USP13: variants seen among roughly 807,000 people sequenced by gnomAD.
USP13 encodes the protein ubiquitin specific peptidase 13, also known as ubiquitin carboxyl-terminal hydrolase 13.
USP13 carries 68 observed loss-of-function variants against 107.8 expected under a neutral mutation model. That is an observed-to-expected ratio of 0.63 (90% CI 0.52 to 0.77). The LOEUF (loss-of-function observed/expected upper bound fraction) is 0.77, where lower values mean the gene tolerates loss of function less well. Among genes scored for constraint, USP13 ranks in the 30% least tolerant of loss-of-function variants. USP13 has a pLI of 0.00. For synonymous variants in USP13, 377 were observed against 389.5 expected (o/e 0.97, Z 0.38); for missense variants, 945 against 1,093.3 (o/e 0.86, Z 1.91).
At chr3:179,654,152 T>G (rs1374637255) in intron 1 of USP13, among the ~76,000 whole-genome samples, 1 of 142,574 alleles carries the variant, frequency 7.0e-6, no homozygotes, top group Non-Finnish European at 1.5e-5. Flanking sequence ...AGGAGGAGGC[T>G]GTAGTGGGCC....
At chr3:179,755,404 C>T (rs921947898) in intron 15 of USP13, among the ~76,000 whole-genome samples, 1 of 152,090 alleles carries the variant, frequency 6.6e-6, no homozygotes, top group African/African-American at 2.4e-5. Context: ...AAGCAATTCT[C>T]CTGCCTCAGC....
chr3:179,723,903 A>G (rs1051835165), intron 8 of USP13, among the ~76,000 whole-genome samples: 25 of 152,216 alleles, frequency 1.6e-4, no homozygotes, highest in Admixed American at 1.3e-4. Context: ...CTGTAAACCC[A>G]GTACTTTGGG....
chr3:179,662,602 A>G (rs968862664), intron 1 of USP13, among the ~76,000 whole-genome samples: 1 of 152,132 alleles, frequency 6.6e-6, no homozygotes, highest in Non-Finnish European at 1.5e-5. Context: ...AAGGAGTGAA[A>G]TGGATGTCTT....
At chr3:179,661,108 T>A (rs1720444677) in intron 1 of USP13, among the ~76,000 whole-genome samples, 1 of 152,232 alleles carries the variant, frequency 6.6e-6, no homozygotes, top group Non-Finnish European at 1.5e-5. Flanking sequence ...CACTGTGTGC[T>A]ATGAGAGAAT....
At position 179,681,779 on chromosome 3, in the gene USP13, C is replaced by G. The variant is rs936771424; in HGVS notation, c.169-99C>G. 3.7e-5 allele frequency: 54 copies of G among 1,471,978 alleles called. 1 individual carries two copies. In the Middle Eastern group the frequency reaches 7.3e-4, roughly 20 times the overall value. The allele number at this position is 1,471,978 out of a possible 1,614,324, so 91.2% of individuals were successfully genotyped here. A position where few individuals can be genotyped will look rare whatever the true frequency, so the allele number is the denominator to read the frequency against. On this transcript the variant is annotated intron_variant, in intron 1 of 20. Coordinates refer to ENST00000263966, the MANE Select transcript of USP13 (RefSeq NM_003940.3). ...GGAGCCTCGGTGGCCCTTTGCCAGG[C>G]CTCGTCTTCAGCGTTTGCCTTCCTT... is the stretch of plus-strand genomic sequence containing the variant.
intron 6 of USP13, among the ~76,000 whole-genome samples, chr3:179,716,338 C>G (rs1014486605): frequency 6.6e-6 from 1 of 152,106 alleles, no homozygotes; most frequent in African/African-American, 2.4e-5. Flanking sequence ...TTTCTGGGGC[C>G]TAGGATAAGG....
intron 19 of USP13, among the ~76,000 whole-genome samples, chr3:179,777,455 T>C (rs1715587100): frequency 6.7e-6 from 1 of 148,440 alleles, no homozygotes; most frequent in South Asian, 2.2e-4. Context: ...TTTTTTTTTT[T>C]TTTTTTTTCT....
chr3:179,690,622 G>C (rs76935650), intron 3 of USP13, among the ~76,000 whole-genome samples: 2,994 of 152,218 alleles, frequency 0.02, 50 homozygotes, highest in Admixed American at 0.031. Context: ...GCCTAGGCTG[G>C]AATGCAGTGG....
At chr3:179,777,588 G>A (rs1000487773) in intron 19 of USP13, among the ~76,000 whole-genome samples, 5 of 151,682 alleles carry the variant, frequency 3.3e-5, no homozygotes, top group African/African-American at 4.9e-5. Context: ...GAGTAGCTGC[G>A]ACTACAGGTG....
intron 6 of USP13, among the ~76,000 whole-genome samples, chr3:179,712,873 TA>T (rs894807189): frequency 5.4e-4 from 80 of 149,320 alleles, no homozygotes; most frequent in African/African-American, 1.8e-3. Flanking sequence ...TATTAAGACT[TA>T]AAAAAAAAAC....
intron 11 of USP13, among the ~76,000 whole-genome samples, chr3:179,741,603 C>A (rs191192911): frequency 6.6e-6 from 1 of 152,116 alleles, no homozygotes; most frequent in Non-Finnish European, 1.5e-5. Flanking sequence ...ATGATCCACC[C>A]GCCTCCGCCT....
At chr3:179,704,331 A>G (rs1576938468) in intron 4 of USP13, among the ~76,000 whole-genome samples, 1 of 152,208 alleles carries the variant, frequency 6.6e-6, no homozygotes, top group African/African-American at 2.4e-5. Flanking sequence ...GTAGGGGTGG[A>G]GACAGTCCTA....
intron 1 of USP13, among the ~76,000 whole-genome samples, chr3:179,655,389 G>T (rs138589957): frequency 6.6e-6 from 1 of 152,260 alleles, no homozygotes; most frequent in Non-Finnish European, 1.5e-5. Flanking sequence ...CTCGTCCAGT[G>T]TAGACTGATG....
chr3:179,660,701 G>C (rs1720432713), intron 1 of USP13, among the ~76,000 whole-genome samples: 1 of 152,062 alleles, frequency 6.6e-6, no homozygotes, highest in Admixed American at 6.5e-5. Context: ...TTTACTTGTA[G>C]GGAGAAAAAA....
In USP13 at chr3:179,730,602, T is replaced by G. The variant is rs73885923; in HGVS notation, c.1161-14T>G. On this transcript the variant is annotated splice_polypyrimidine_tract_variant and intron_variant, in intron 9 of 20. Coordinates refer to ENST00000263966, the MANE Select transcript of USP13 (RefSeq NM_003940.3). Reference sequence around the variant, plus strand: ...ACAATGACCTTTTTGTTTCTGTTTCTCTGTCCTGGCCAGGACTAAGTTAGG... The same window carrying G: ...ACAATGACCTTTTTGTTTCTGTTTCGCTGTCCTGGCCAGGACTAAGTTAGG... The G allele has an allele frequency of 6.3e-7, 1 of 1,599,078 alleles. No individual in the cohort carries two copies. Among genetic ancestry groups the G allele is most frequent in the African/African-American group, 1.3e-5 (1 of 74,574 alleles).
intron 19 of USP13, among the ~76,000 whole-genome samples, chr3:179,769,722 C>T (rs1157249113): frequency 6.6e-6 from 1 of 152,064 alleles, no homozygotes; most frequent in Non-Finnish European, 1.5e-5. Flanking sequence ...TAATGAGTTT[C>T]TTAAAGGATG....
At chr3:179,739,151 T>A (rs2268931) in intron 10 of USP13, among the ~76,000 whole-genome samples, 11,459 of 152,248 alleles carry the variant, frequency 0.075, 898 homozygotes, top group African/African-American at 0.18. Context: ...CGTCACCTCC[T>A]CCTGCCCTGA....
intron 3 of USP13, among the ~76,000 whole-genome samples, chr3:179,691,010 A>G (rs1209142770): frequency 1.3e-5 from 2 of 151,924 alleles, no homozygotes; most frequent in Non-Finnish European, 2.9e-5. Context: ...GTTACCAAAA[A>G]ATTAAAAAAT....
At chr3:179,764,850 C>A (rs1163659892) in intron 18 of USP13, among the ~76,000 whole-genome samples, 1 of 152,180 alleles carries the variant, frequency 6.6e-6, no homozygotes, top group Admixed American at 6.5e-5. Flanking sequence ...CTTGCCTATC[C>A]TGATGGGGTG....
Sources: gnomAD v4.1 joint callset for allele counts (sites outside exome capture counted in the v4.1 genomes callset) on GRCh38, gnomAD v4.1.1 for gene constraint, MANE v1.5 for transcripts, NCBI Gene and HGNC (gene_info 2026-07-23, HGNC 2026-07-21) for gene names.